Variants in PIEZO2 observed in about 807,000 individuals in gnomAD.
The protein encoded by PIEZO2 is piezo type mechanosensitive ion channel component 2.
Under a neutral mutation model 337.3 loss-of-function variants are expected in PIEZO2, and 172 were observed. That is an observed-to-expected ratio of 0.51 (90% CI 0.45 to 0.58). The LOEUF (loss-of-function observed/expected upper bound fraction) is 0.58, where lower values mean the gene tolerates loss of function less well. Ranked by LOEUF, PIEZO2 falls within the 20% of genes least tolerant of loss-of-function variation. PIEZO2 has a pLI of 0.00. For synonymous variants in PIEZO2, 1,251 were observed against 1,228.5 expected (o/e 1.02, Z -0.38); for missense variants, 3,028 against 3,391.3 (o/e 0.89, Z 2.66).
intron 31 of PIEZO2, 108 bp downstream of exon 31, chr18:10,744,034 A>C: frequency 1.4e-6 from 1 of 697,946 alleles, no homozygotes; most frequent in Non-Finnish European, 2.4e-6. Flanking sequence ...GAAAGTCCAT[A>C]CATATATATT....
chr18:11,130,040 A>G (rs1426044915), intron 1 of PIEZO2, among the ~76,000 whole-genome samples: 1 of 152,178 alleles, frequency 6.6e-6, no homozygotes, highest in Non-Finnish European at 1.5e-5. Flanking sequence ...GGTCAAATAG[A>G]AGCCATTACA....
At chr18:10,691,494 A>G in intron 47 of PIEZO2, 111 bp from the exon 48 acceptor site, 1 of 1,129,016 alleles carries the variant, frequency 8.9e-7, no homozygotes, top group Non-Finnish European at 1.3e-6. Flanking sequence ...TCATCATTCC[A>G]ACTCAATTCT....
At chr18:11,133,863 C>CCT (rs202104722) in intron 1 of PIEZO2, among the ~76,000 whole-genome samples, 1 of 150,972 alleles carries the variant, frequency 6.6e-6, no homozygotes, top group East Asian at 1.9e-4. Context: ...TTAATAAACT[C>CCT]CTCTCTCTCT....
At position 10,807,110 on chromosome 18, in the gene PIEZO2, A is replaced by T; in HGVS notation, c.1080+2T>A. 1 of 1,533,392 alleles carries T rather than the reference A, an allele frequency of 6.5e-7. No individual in the cohort carries two copies. The highest frequency in any genetic ancestry group is 1.2e-5 in the South Asian group (1 of 83,826). The allele number at this position is 1,533,392 out of a possible 1,614,324, so 95.0% of individuals were successfully genotyped here. On this transcript the variant is annotated splice_donor_variant, in intron 8 of 55. Coordinates refer to ENST00000674853, the MANE Select transcript of PIEZO2 (RefSeq NM_001378183.1). LOFTEE classifies it high-confidence loss of function. ...AGATCATGAAAATGTTTTTGTCCTT[A>T]CAAGGGGCTCTTGCAGCCAGATGCG...
In PIEZO2 at chr18:11,109,149, C is replaced by A. The variant is rs1314594191; in HGVS notation, c.64+39376G>T. Among the ~76,000 whole-genome samples, 1 of 152,172 alleles carries A rather than the reference C, an allele frequency of 6.6e-6. No homozygotes were observed. Among genetic ancestry groups the A allele is most frequent in the African/African-American group, 2.4e-5 (1 of 41,440 alleles). Reference sequence around the variant, plus strand: ...CTAAGGACGCTGAGTAAACAGTCTGCACAGCTTACAAACCACACATCTTGA... The same window carrying A: ...CTAAGGACGCTGAGTAAACAGTCTGAACAGCTTACAAACCACACATCTTGA... On this transcript the variant is annotated intron_variant, in intron 1 of 55. Coordinates refer to ENST00000674853, the MANE Select transcript of PIEZO2 (RefSeq NM_001378183.1). This position sits in a 1 kb window ranked among gnomAD's most constrained non-coding sequence, Gnocchi z 5.1.
In PIEZO2 at chr18:10,750,281, T is replaced by C; in HGVS notation, c.4168-94A>G. On this transcript the variant is annotated intron_variant, in intron 28 of 55. Transcript: ENST00000674853. This position sits in a 1 kb window ranked among gnomAD's most constrained non-coding sequence, Gnocchi z 4.1. Reference sequence around the variant, plus strand: ...CCAACATGTGCAAGAATTCACAAGGTCTCAGTGATAAGGATTCCAGGAGAT... The same window carrying C: ...CCAACATGTGCAAGAATTCACAAGGCCTCAGTGATAAGGATTCCAGGAGAT... 1 of 900,854 alleles carries C rather than the reference T, an allele frequency of 1.1e-6. No individual in the cohort carries two copies. Among genetic ancestry groups the C allele is most frequent in the Non-Finnish European group, 1.7e-6 (1 of 572,206 alleles). 55.8% of individuals were successfully genotyped at this position (900,854 alleles called of 1,614,324 possible). A position where few individuals can be genotyped will look rare whatever the true frequency, so the allele number is the denominator to read the frequency against.
intron 3 of PIEZO2, among the ~76,000 whole-genome samples, chr18:10,971,132 A>G (rs1445526156): frequency 6.6e-6 from 1 of 152,140 alleles, no homozygotes; most frequent in African/African-American, 2.4e-5. Flanking sequence ...AAGCTTGGCA[A>G]ACAGCAGAGG....
At chr18:10,674,564 G>A (rs998671232) in intron 54 of PIEZO2, among the ~76,000 whole-genome samples, 12 of 152,232 alleles carry the variant, frequency 7.9e-5, no homozygotes, top group Admixed American at 1.3e-4. Flanking sequence ...ACAGCAGCAC[G>A]GAGCCCAGGC....
intron 13 of PIEZO2, among the ~76,000 whole-genome samples, chr18:10,793,805 T>C (rs1312682184): frequency 6.6e-6 from 1 of 152,172 alleles, no homozygotes; most frequent in Non-Finnish European, 1.5e-5. Flanking sequence ...CCTTGGTCCA[T>C]GAACACAGGG....
chr18:10,767,473 C>A lies in PIEZO2; in HGVS notation c.2946+2675G>T, dbSNP rs1045350637. 6.6e-6 allele frequency among the ~76,000 whole-genome samples: 1 copy of A among 151,942 alleles called. No individual in the cohort carries two copies. Among genetic ancestry groups the A allele is most frequent in the African/African-American group, 2.4e-5 (1 of 41,380 alleles). On this transcript the variant is annotated intron_variant, in intron 21 of 55. Coordinates refer to ENST00000674853, the MANE Select transcript of PIEZO2 (RefSeq NM_001378183.1). The surrounding 1 kb of genome is among the most constrained non-coding windows in gnomAD (Gnocchi z 4.2). ...TGGAGAGGGGCTGCATCCTGCCTGTCCCCCAAGCCCCCAGTGCCAAGATGA... is the reference window on the plus strand; with the variant it reads ...TGGAGAGGGGCTGCATCCTGCCTGTACCCCAAGCCCCCAGTGCCAAGATGA...
In PIEZO2 at chr18:10,713,384, T is replaced by C. The variant is rs778577620; in HGVS notation, c.5423+1380A>G. Among the ~76,000 whole-genome samples the C allele has an allele frequency of 5.3e-5, 8 of 152,060 alleles. No homozygotes were observed. The highest frequency in any genetic ancestry group is 1.0e-4 in the Non-Finnish European group (7 of 67,988). On this transcript the variant is annotated intron_variant, in intron 39 of 55. Coordinates refer to ENST00000674853, the MANE Select transcript of PIEZO2 (RefSeq NM_001378183.1). The surrounding 1 kb of genome is among the most constrained non-coding windows in gnomAD (Gnocchi z 4.5). Reference sequence around the variant, plus strand: ...TTTTTTACCCACATTCCTCACTCAGTTTGTAATTCCAACATCCAGTTGTCT... The same window carrying C: ...TTTTTTACCCACATTCCTCACTCAGCTTGTAATTCCAACATCCAGTTGTCT...
chr18:11,007,126 T>C (rs530782357), intron 2 of PIEZO2, among the ~76,000 whole-genome samples: 4 of 152,326 alleles, frequency 2.6e-5, no homozygotes, highest in African/African-American at 7.2e-5. Flanking sequence ...ATTTTATTCC[T>C]TCTATCTAAC....
At chr18:10,865,924 T>C (rs1460440756) in intron 5 of PIEZO2, among the ~76,000 whole-genome samples, 1 of 152,200 alleles carries the variant, frequency 6.6e-6, no homozygotes. Context: ...GTATTTGTGG[T>C]TATTTGCAAT....
chr18:10,782,443 T>TATTATAATTATATATAAATA, intron 17 of PIEZO2, among the ~76,000 whole-genome samples: 1 of 76,368 alleles, frequency 1.3e-5, no homozygotes, highest in Admixed American at 2.3e-4. Flanking sequence ...TTATATAATA[T>TATTATAATTATATATAAATA]ATTATATAGT....
intron 2 of PIEZO2, among the ~76,000 whole-genome samples, chr18:11,010,107 C>T (rs1354781520): frequency 6.6e-6 from 1 of 152,138 alleles, no homozygotes; most frequent in Non-Finnish European, 1.5e-5. Flanking sequence ...TTTTCTTAAC[C>T]AATAGATTCC....
rs183746062 is a variant in PIEZO2 at position 10,813,793 on chromosome 18, T to C, written c.918-6519A>G. On this transcript the variant is annotated intron_variant, in intron 7 of 55. Coordinates refer to ENST00000674853, the MANE Select transcript of PIEZO2 (RefSeq NM_001378183.1). This position sits in a 1 kb window ranked among gnomAD's most constrained non-coding sequence, Gnocchi z 4.2. ...GATCGTATGACCATTCTATTTTTAA[T>C]AGAGAAACTGCTCCGGTTGTTTGAG... Among the ~76,000 whole-genome samples, 1 of 152,148 alleles carries C rather than the reference T, an allele frequency of 6.6e-6. No homozygotes were observed. The highest frequency in any genetic ancestry group is 2.4e-5 in the African/African-American group (1 of 41,424).
intron 3 of PIEZO2, among the ~76,000 whole-genome samples, chr18:10,925,658 T>C (rs938352658): frequency 6.6e-6 from 1 of 152,280 alleles, no homozygotes; most frequent in East Asian, 1.9e-4. Context: ...CAGCTCACTG[T>C]AAGCTCTGCC....
intron 35 of PIEZO2, among the ~76,000 whole-genome samples, chr18:10,734,698 G>T (rs2036928101): frequency 6.6e-6 from 1 of 152,214 alleles, no homozygotes; most frequent in Non-Finnish European, 1.5e-5. Context: ...CCCTAGCATG[G>T]ATCTGTGGGA....
intron 1 of PIEZO2, among the ~76,000 whole-genome samples, chr18:11,086,376 C>T (rs1002395756): frequency 3.3e-5 from 5 of 151,722 alleles, no homozygotes; most frequent in East Asian, 1.9e-4. Flanking sequence ...AAAAATTAGC[C>T]GGGCGTGGTG....
Sources: allele counts gnomAD v4.1 joint callset (sites outside exome capture counted in the v4.1 genomes callset), GRCh38; gene constraint gnomAD v4.1.1; non-coding constraint Gnocchi (gnomAD v3.1); transcripts MANE v1.5; gene names NCBI Gene and HGNC (gene_info 2026-07-23, HGNC 2026-07-21).